The following MEIS2 variants were observed in gnomAD, a reference collection of about 807,000 sequenced individuals.
The protein encoded by MEIS2 is Meis homeobox 2.
Under a neutral mutation model 58.6 loss-of-function variants are expected in MEIS2, and 9 were observed. The ratio of observed to expected loss-of-function variants is 0.15; its 90% CI spans 0.09 to 0.27. The LOEUF (loss-of-function observed/expected upper bound fraction) is 0.27. Ranked by LOEUF, MEIS2 falls within the 10% of genes least tolerant of loss-of-function variation. MEIS2 has a pLI of 1.00. For missense variants in MEIS2, 427 were observed against 635.0 expected (o/e 0.67, Z 3.52); for synonymous variants, 221 against 228.4 (o/e 0.97, Z 0.29).
chr15:36,895,550 T>A (rs1204745137), intron 10 of MEIS2, among the ~76,000 whole-genome samples: 1 of 152,168 alleles, frequency 6.6e-6, no homozygotes, highest in African/African-American at 2.4e-5. Context: ...GCTGGAGAAG[T>A]TAGGGGTACC....
chr15:36,964,613 A>G (rs866183867), intron 8 of MEIS2, among the ~76,000 whole-genome samples: 3 of 152,312 alleles, frequency 2.0e-5, no homozygotes, highest in Middle Eastern at 6.8e-3. Flanking sequence ...ATTGATTCAG[A>G]AAGAAGGGGA....
At chr15:36,954,114 T>G (rs1206534624) in intron 8 of MEIS2, among the ~76,000 whole-genome samples, 1 of 152,152 alleles carries the variant, frequency 6.6e-6, no homozygotes, top group Admixed American at 6.5e-5. Context: ...AGCTAGTATC[T>G]GGAAGGCTAA....
intron 7 of MEIS2, among the ~76,000 whole-genome samples, chr15:37,042,175 T>C (rs2062455897): frequency 6.6e-6 from 1 of 152,036 alleles, no homozygotes; most frequent in South Asian, 2.1e-4. Context: ...AAGTCAACCA[T>C]CCAGGCAAAA....
intron 8 of MEIS2, among the ~76,000 whole-genome samples, chr15:36,983,235 A>G (rs1159017239): frequency 6.6e-6 from 1 of 152,126 alleles, no homozygotes; most frequent in East Asian, 1.9e-4. Context: ...ACCAATGTCA[A>G]AAAGATCTTT....
At chr15:36,951,302 A>G (rs1036587003) in intron 8 of MEIS2, among the ~76,000 whole-genome samples, 23 of 152,286 alleles carry the variant, frequency 1.5e-4, no homozygotes, top group Non-Finnish European at 2.5e-4. Context: ...AAATATGTCT[A>G]TTAAATAGGT....
At position 37,029,783 on chromosome 15, in the gene MEIS2, T is replaced by C. The variant is rs545065452; in HGVS notation, c.900+7031A>G. ...GGGCAGATAACTTTCATTTTGATGG[T>C]AAGAAATAGGTTCAGAGAGGTTGAA... On this transcript the variant is annotated intron_variant, in intron 8 of 11. Coordinates refer to ENST00000561208, the MANE Select transcript of MEIS2 (RefSeq NM_170675.5). 3.9e-5 allele frequency among the ~76,000 whole-genome samples: 6 copies of C among 152,270 alleles called. No homozygotes were observed. The South Asian group carries it at 1.0e-3, about 26-fold the overall frequency.
At chr15:37,024,559 C>T (rs2061636735) in intron 8 of MEIS2, among the ~76,000 whole-genome samples, 1 of 152,186 alleles carries the variant, frequency 6.6e-6, no homozygotes, top group African/African-American at 2.4e-5. Context: ...TCACTCTTCT[C>T]CCATTCATAT....
At chr15:36,904,709 T>C (rs1452979761) in intron 9 of MEIS2, among the ~76,000 whole-genome samples, 1 of 151,970 alleles carries the variant, frequency 6.6e-6, no homozygotes, top group African/African-American at 2.4e-5. Flanking sequence ...ATATCAATCA[T>C]TGAGAGCTGG....
intron 7 of MEIS2, among the ~76,000 whole-genome samples, chr15:37,043,680 C>CTTTTTTTTTTTTTTTTTTTTTTTTTTTTT (rs35502089): frequency 8.9e-6 from 1 of 112,930 alleles, no homozygotes. Context: ...CCGTCCCCTC[C>CTTTTTTTTTTTTTTTTTTTTTTTTTTTTT]TTTTTTTTTT....
chr15:37,053,948 G>T (rs2063028683), intron 7 of MEIS2, among the ~76,000 whole-genome samples: 1 of 152,106 alleles, frequency 6.6e-6, no homozygotes, highest in Admixed American at 6.6e-5. Context: ...TTCAATTATT[G>T]ATTACCACAA....
At chr15:36,953,640 GCCAC>G (rs1365687753) in intron 8 of MEIS2, among the ~76,000 whole-genome samples, 1 of 152,110 alleles carries the variant, frequency 6.6e-6, no homozygotes, top group Non-Finnish European at 1.5e-5. Flanking sequence ...GAATTCTAAA[GCCAC>G]TGTTGAATAG....
chr15:36,933,134 C>T (rs1009930896), intron 9 of MEIS2, among the ~76,000 whole-genome samples: 1 of 152,128 alleles, frequency 6.6e-6, no homozygotes, highest in Non-Finnish European at 1.5e-5. Context: ...GAGTGAGTCT[C>T]AAAGCTGTAA....
intron 7 of MEIS2, among the ~76,000 whole-genome samples, chr15:37,076,262 G>C (rs1318325255): frequency 6.6e-6 from 1 of 151,868 alleles, no homozygotes; most frequent in Non-Finnish European, 1.5e-5. Flanking sequence ...AAAGAAAGAA[G>C]GGGAAAAAAT....
At chr15:37,010,425 C>G (rs1310516592) in intron 8 of MEIS2, among the ~76,000 whole-genome samples, 5 of 152,082 alleles carry the variant, frequency 3.3e-5, no homozygotes, top group Non-Finnish European at 7.4e-5. Flanking sequence ...CTCTGTACCC[C>G]AGGCTGGAGT....
chr15:37,080,941 T>C (rs551808315), intron 7 of MEIS2, among the ~76,000 whole-genome samples: 3 of 152,294 alleles, frequency 2.0e-5, no homozygotes, highest in Non-Finnish European at 4.4e-5. Context: ...TGAAACACTA[T>C]GGAGGAAAAG....
At chr15:36,999,037 T>C (rs989875394) in intron 8 of MEIS2, among the ~76,000 whole-genome samples, 1 of 152,212 alleles carries the variant, frequency 6.6e-6, no homozygotes, top group Non-Finnish European at 1.5e-5. Context: ...TCAGGTAGAG[T>C]TATCAGTGTC....
intron 7 of MEIS2, among the ~76,000 whole-genome samples, chr15:37,082,521 T>G (rs1277875828): frequency 6.6e-6 from 1 of 152,152 alleles, no homozygotes; most frequent in African/African-American, 2.4e-5. Flanking sequence ...CCATTGACCC[T>G]ATGTACCAGT....
chr15:37,076,596 G>A (rs1891452495), intron 7 of MEIS2, among the ~76,000 whole-genome samples: 1 of 151,968 alleles, frequency 6.6e-6, no homozygotes, highest in African/African-American at 2.4e-5. Context: ...CTCTTCCTTA[G>A]AAAGCATGGC....
intron 6 of MEIS2, among the ~76,000 whole-genome samples, chr15:37,092,618 G>A (rs1006987857): frequency 2.1e-5 from 3 of 140,026 alleles, no homozygotes; most frequent in Admixed American, 7.4e-5. Flanking sequence ...CTTTAACCTC[G>A]CCACTCTTGC....
Sources: allele counts gnomAD v4.1 joint callset (sites outside exome capture counted in the v4.1 genomes callset), GRCh38; gene constraint gnomAD v4.1.1; transcripts MANE v1.5; gene names NCBI Gene and HGNC (gene_info 2026-07-23, HGNC 2026-07-21).